Variants in BAZ2A observed in about 807,000 individuals in gnomAD.
The protein encoded by BAZ2A is bromodomain adjacent to zinc finger domain 2A.
In BAZ2A, 34 loss-of-function variants were observed where a neutral mutation model predicts 199.9. The ratio of observed to expected loss-of-function variants is 0.17; its 90% CI spans 0.13 to 0.23. The LOEUF (loss-of-function observed/expected upper bound fraction) is 0.23, where lower values mean the gene tolerates loss of function less well. BAZ2A is among the 10% of genes least tolerant of loss of function. BAZ2A has a pLI of 1.00. For missense variants in BAZ2A, 2,002 were observed against 2,391.1 expected, an observed-to-expected ratio of 0.84 and a Z score of 3.39; for synonymous variants, 857 against 883.9, an observed-to-expected ratio of 0.97 and a Z score of 0.54.
chr12:56,624,938 T>C (rs559853355), intron 1 of BAZ2A, among the ~76,000 whole-genome samples: 22 of 152,196 alleles, frequency 1.4e-4, no homozygotes, highest in Admixed American at 1.2e-3. Context: ...TAATAAAACA[T>C]TCTACTTGGT....
chr12:56,606,116 C>T (rs754188394), intron 12 of BAZ2A, 53 bp from the exon 13 acceptor site: 4 of 1,551,750 alleles, frequency 2.6e-6, no homozygotes, highest in Non-Finnish European at 3.5e-6. Flanking sequence ...AGTCACTATC[C>T]TTCCCTGGTC....
rs761585970 is a variant in BAZ2A, at chr12:56,611,558, A to C, written c.1670+15T>G. On this transcript the variant is annotated intron_variant, in intron 7 of 28. Coordinates refer to ENST00000549884, the MANE Select transcript of BAZ2A (RefSeq NM_001300905.2). ...CTTGTCAAGGTCAATAAATGTAGCA[A>C]ACTAGAGCATTTACCCATGTTGGAG... The C allele has an allele frequency of 1.9e-6, 3 of 1,608,330 alleles. No individual in the cohort carries two copies. The highest frequency in any genetic ancestry group is 2.6e-6 in the Non-Finnish European group (3 of 1,174,788).
chr12:56,599,935 A>G (rs1592550930), intron 25 of BAZ2A, 29 bp downstream of exon 25: 2 of 1,613,404 alleles, frequency 1.2e-6, no homozygotes, highest in East Asian at 2.2e-5. Context: ...CTGGCCCCTC[A>G]GCCTCTCCAG....
At chr12:56,606,545 G>A (rs1950361542) in intron 11 of BAZ2A, 88 bp downstream of exon 11, 2 of 1,332,698 alleles carry the variant, frequency 1.5e-6, no homozygotes, top group African/African-American at 1.4e-5. Context: ...GCTACACAGG[G>A]AGTGACGGAT....
chr12:56,605,391 C>A, intron 13 of BAZ2A, 64 bp from the exon 14 acceptor site: 4 of 1,416,284 alleles, frequency 2.8e-6, no homozygotes, highest in Non-Finnish European at 3.8e-6. Flanking sequence ...ATTTGCATGT[C>A]TACAAGAGGT....
chr12:56,615,038 A>C lies in BAZ2A; in HGVS notation c.706T>G (p.Leu236Val), dbSNP rs778838732. 1.9e-6 allele frequency: 3 copies of C among 1,612,962 alleles called. No individual in the cohort carries two copies. In the South Asian group the frequency reaches 3.3e-5, roughly 18 times the overall value. Residue 236 changes from leucine (L) to valine (V), a missense_variant, in exon 3 of 29, where the codon TTG becomes GTG. Coordinates refer to ENST00000549884, the MANE Select transcript of BAZ2A (RefSeq NM_001300905.2). ...CCTGGCTGCTCTTCTTCCAGCTCCA[A>C]GCTGCCTACCAAGCCAGTGCCATTC... is the stretch of plus-strand genomic sequence containing the variant. ...AENGTGLVGS[L>V]ELEEEQPELK... is the part of the protein sequence containing the mutation.
upstream of BAZ2A, chr12:56,634,938 G>A: frequency 1.0e-6 from 1 of 985,206 alleles, no homozygotes; most frequent in South Asian, 4.7e-5. Flanking sequence ...TGGGTGCCGG[G>A]CCTCACCTGG....
At chr12:56,630,038 G>T (rs1951253683) in intron 1 of BAZ2A, 87 bp downstream of exon 1, 1 of 886,030 alleles carries the variant, frequency 1.1e-6, no homozygotes, top group Non-Finnish European at 1.4e-6. Flanking sequence ...GCTCAAGCCG[G>T]CTCTGGAGCT....
chr12:56,607,555 T>A (rs1950404544), intron 10 of BAZ2A, among the ~76,000 whole-genome samples: 1 of 152,140 alleles, frequency 6.6e-6, no homozygotes, highest in Non-Finnish European at 1.5e-5. Context: ...GTATTTTTAG[T>A]ACAAGCGGAG....
Position 56,597,637 on chromosome 12 carries a change from GACACAC to G in BAZ2A, c.*975_*980del, listed in dbSNP as rs35960815. On this transcript the variant is annotated 3_prime_UTR_variant, in exon 29 of 29. Transcript: ENST00000549884. Reference sequence around the variant, plus strand: ...CACACACACAGCGCGCTCTGAGGCCGACACACACACACACACACACACACACACACA... The same window carrying G: ...CACACACACAGCGCGCTCTGAGGCCGACACACACACACACACACACACACA... The G allele has an allele frequency of 0.017, 2,110 of 127,238 alleles. 23 individuals are homozygous for G. Among genetic ancestry groups the G allele is most frequent in the Middle Eastern group, 0.03 (8 of 264 alleles). The allele number at this position is 127,238 out of a possible 1,614,324, so 7.9% of individuals were successfully genotyped here. A position where few individuals can be genotyped will look rare whatever the true frequency, so the allele number is the denominator to read the frequency against.
In BAZ2A at chr12:56,607,519, G is replaced by A. The variant is rs534975183; in HGVS notation, c.2093-786C>T. On this transcript the variant is annotated intron_variant, in intron 10 of 28. Coordinates refer to ENST00000549884, the MANE Select transcript of BAZ2A (RefSeq NM_001300905.2). ...CCCCAGTAGCTGGGACTACAGGCGC[G>A]TGCCACCACGCCCAGTTAATTTTTA... is the stretch of plus-strand genomic sequence containing the variant. Among the ~76,000 whole-genome samples, 295 of 152,174 alleles carry A rather than the reference G, an allele frequency of 1.9e-3. 1 individual carries two copies. The highest frequency in any genetic ancestry group is 3.3e-3 in the Non-Finnish European group (223 of 68,000).
upstream of BAZ2A, among the ~76,000 whole-genome samples, chr12:56,633,315 G>A (rs1054366995): frequency 2.0e-5 from 3 of 151,942 alleles, no homozygotes; most frequent in Non-Finnish European, 4.4e-5. Flanking sequence ...GATACTCCTG[G>A]CATCCAACCC....
chr12:56,612,180 T>C lies in BAZ2A; in HGVS notation c.1202A>G (p.Asp401Gly), dbSNP rs773776908. 6 of 1,613,576 alleles carry C rather than the reference T, an allele frequency of 3.7e-6. No individual in the cohort carries two copies. The highest frequency in any genetic ancestry group is 3.3e-5 in the Admixed American group (2 of 59,960). ...TGGCTGGGTCAGGGATGGTGGGAAGTCTGAAGATTGAGTTTCCATTTCTTC... is the reference window on the plus strand; with the variant it reads ...TGGCTGGGTCAGGGATGGTGGGAAGCCTGAAGATTGAGTTTCCATTTCTTC... ...EQEEMETQSS[D>G]FPPSLTQPAP... The change falls in exon 6 of 29, where the codon GAC becomes GGC. Residue 401 changes from aspartate (D) to glycine (G), a missense_variant. Physicochemically the swap from Asp to Gly is moderately conservative, Grantham distance 94. Transcript: ENST00000549884.
chr12:56,605,993 T>C lies in BAZ2A; in HGVS notation c.2330A>G (p.Lys777Arg), dbSNP rs1950339364. The C allele has an allele frequency of 6.4e-7, 1 of 1,552,130 alleles. No individual in the cohort carries two copies. The highest frequency in any genetic ancestry group is 8.7e-7 in the Non-Finnish European group (1 of 1,147,188). ...CTCCTCCTTTTCCTTCATTTTTACC[T>C]TCTCCTTCTTTTCCCTCTTGACTTT... ...KEKVKREKKE[K>R]VKMKEKEEVT... Residue 777 changes from lysine (K) to arginine (R), a missense_variant, in exon 13 of 29, where the codon AAG becomes AGG. Transcript: ENST00000549884.
Position 56,597,635 on chromosome 12 carries a change from C to CACACACACACACACACACA in BAZ2A, c.*982_*983insTGTGTGTGTGTGTGTGTGT, listed in dbSNP as rs1565800870. 1.0e-5 allele frequency: 1 copy of CACACACACACACACACACA among 96,252 alleles called. No homozygotes were observed. The highest frequency in any genetic ancestry group is 5.5e-5 in the African/African-American group (1 of 18,316). 6.0% of individuals were successfully genotyped at this position (96,252 alleles called of 1,614,324 possible). On this transcript the variant is annotated 3_prime_UTR_variant, in exon 29 of 29. Coordinates refer to ENST00000549884, the MANE Select transcript of BAZ2A (RefSeq NM_001300905.2). ...CACACACACACAGCGCGCTCTGAGGCCGACACACACACACACACACACACA... is the reference window on the plus strand; with the variant it reads ...CACACACACACAGCGCGCTCTGAGGCACACACACACACACACACACGACACACACACACACACACACACA...
In BAZ2A at chr12:56,599,731, C is replaced by A. The variant is rs1476360653; in HGVS notation, c.5143G>T (p.Asp1715Tyr). Residue 1715 changes from aspartate to tyrosine, a missense_variant, in exon 26 of 29, where the codon GAT becomes TAT. Coordinates refer to ENST00000549884, the MANE Select transcript of BAZ2A (RefSeq NM_001300905.2). Reference protein sequence around the residue: ...RPKMEAVPEGDWFCTVCLAQQ... With the variant: ...RPKMEAVPEGYWFCTVCLAQQ... Reference sequence around the variant, plus strand: ...GCCAAACAGACAGTACAGAACCAATCTCCTTCTGGGACAGCCTCCATCTTG... The same window carrying A: ...GCCAAACAGACAGTACAGAACCAATATCCTTCTGGGACAGCCTCCATCTTG... The A allele has an allele frequency of 1.9e-6, 3 of 1,613,864 alleles. No homozygotes were observed. The African/African-American group carries it at 4.0e-5, about 22-fold the overall frequency.
rs1229266889 is a variant in BAZ2A at position 56,598,883 on chromosome 12, C to T, written c.5531G>A (p.Arg1844Gln). Reference protein sequence around the residue: ...NPMDFSTMRERLLRGGYTSSE... With the variant: ...NPMDFSTMREQLLRGGYTSSE... ...ATCTACTTACCCTCCCCTGAGCAGC[C>T]GCTCCCGCATGGTGGAAAAATCCAT... Residue 1844 changes from arginine (R) to glutamine (Q), a missense_variant, in exon 28 of 29, where the codon CGG (arginine) becomes CAG (glutamine). Physicochemically the swap from Arg to Gln is conservative, Grantham distance 43. This residue lies in a region of BAZ2A where 76 missense variants were observed against 139.3 expected (regional missense o/e 0.55). Transcript: ENST00000549884. The T allele has an allele frequency of 1.2e-6, 2 of 1,606,652 alleles. No individual in the cohort carries two copies. The highest frequency in any genetic ancestry group is 1.7e-5 in the Admixed American group (1 of 58,710).
chr12:56,616,836 A>T (rs1950738921), intron 2 of BAZ2A, among the ~76,000 whole-genome samples: 1 of 152,150 alleles, frequency 6.6e-6, no homozygotes, highest in Non-Finnish European at 1.5e-5. Flanking sequence ...AGCAACTGGT[A>T]AGCCAAATCC....
intron 4 of BAZ2A, 105 bp downstream of exon 4, chr12:56,613,848 C>A (rs1950634882): frequency 8.0e-7 from 1 of 1,257,026 alleles, no homozygotes. Context: ...CTGGAAGCCC[C>A]AGTGCCCCTG....
Sources: gnomAD v4.1 joint callset for allele counts (sites outside exome capture counted in the v4.1 genomes callset) on GRCh38, gnomAD v4.1.1 for gene constraint, gnomAD v4.1.1 regional missense constraint, MANE v1.5 for transcripts, NCBI Gene and HGNC (gene_info 2026-07-23, HGNC 2026-07-21) for gene names.